Variants in ZFYVE28 observed in about 807,000 individuals in gnomAD.
ZFYVE28 encodes the protein zinc finger FYVE-type containing 28.
Under a neutral mutation model 82.1 loss-of-function variants are expected in ZFYVE28, and 40 were observed. The observed-to-expected ratio is 0.49, with a 90% confidence interval of 0.38 to 0.63. The LOEUF is 0.63. Ranked by LOEUF, ZFYVE28 falls within the 30% of genes least tolerant of loss-of-function variation. The probability of loss-of-function intolerance (pLI) is 0.00; values close to 1 mark genes in which losing one functional copy is unlikely to be tolerated. For missense variants in ZFYVE28, 1,321 were observed against 1,242.1 expected (o/e 1.06, Z -0.96); for synonymous variants, 612 against 546.1 (o/e 1.12, Z -1.68).
rs564638847 is a variant in ZFYVE28, at chr4:2,275,522, T to C, written c.2052-1306A>G. Among the ~76,000 whole-genome samples, 30 of 152,382 alleles carry C rather than the reference T, an allele frequency of 2.0e-4. No homozygotes were observed. In the Middle Eastern group the frequency reaches 0.014, roughly 69 times the overall value. ...TTTCTCTACCTAGAAATATTCGTGA[T>C]AATTTTTTTCAGTTGCCACTGGCAT... On this transcript the variant is annotated intron_variant, in intron 8 of 12. Transcript: ENST00000290974.
chr4:2,358,145 GC>G (rs1725610575), intron 1 of ZFYVE28, among the ~76,000 whole-genome samples: 1 of 152,142 alleles, frequency 6.6e-6, no homozygotes, highest in Admixed American at 6.5e-5. Context: ...AAGAACCACC[GC>G]CGTGTGTGTG....
At chr4:2,364,822 G>A (rs1184742497) in intron 1 of ZFYVE28, 13 of 985,484 alleles carry the variant, frequency 1.3e-5, no homozygotes, top group African/African-American at 3.5e-5. Flanking sequence ...GGCGGGGGCT[G>A]TGTTCCGCGA....
At chr4:2,370,574 C>G (rs904055010) in intron 1 of ZFYVE28, among the ~76,000 whole-genome samples, 1 of 152,328 alleles carries the variant, frequency 6.6e-6, no homozygotes, top group Admixed American at 6.5e-5. Context: ...AGAGGTAGCC[C>G]TGGACCCAAT....
chr4:2,392,302 C>T (rs1432600803), intron 1 of ZFYVE28, among the ~76,000 whole-genome samples: 3 of 152,188 alleles, frequency 2.0e-5, no homozygotes, highest in Non-Finnish European at 1.5e-5. Flanking sequence ...TCTCCTCTCC[C>T]GCAGACTCTG....
chr4:2,280,366 G>A (rs1711795293), intron 8 of ZFYVE28, among the ~76,000 whole-genome samples: 1 of 152,040 alleles, frequency 6.6e-6, no homozygotes, highest in Non-Finnish European at 1.5e-5. Flanking sequence ...AAATTAGCCA[G>A]GCATGATGGT....
At chr4:2,286,619 A>G (rs989911288) in intron 8 of ZFYVE28, 1 of 152,194 alleles carries the variant, frequency 6.6e-6, no homozygotes, top group Non-Finnish European at 1.5e-5. Context: ...TTGCTTATAC[A>G]CAGCCCAGCT....
At chr4:2,323,195 A>G (rs1719362640) in intron 6 of ZFYVE28, among the ~76,000 whole-genome samples, 1 of 152,114 alleles carries the variant, frequency 6.6e-6, no homozygotes, top group Non-Finnish European at 1.5e-5. Flanking sequence ...TGACTTCTCC[A>G]CGCTCTCCCC....
At chr4:2,274,997 C>G (rs1396074499) in intron 8 of ZFYVE28, among the ~76,000 whole-genome samples, 2 of 150,060 alleles carry the variant, frequency 1.3e-5, no homozygotes, top group Non-Finnish European at 2.9e-5. Flanking sequence ...ACAGCAGCCT[C>G]AAGAAACGAA....
chr4:2,327,306 AT>A (rs1720031777), intron 6 of ZFYVE28, among the ~76,000 whole-genome samples: 2 of 64,984 alleles, frequency 3.1e-5, no homozygotes, highest in African/African-American at 1.0e-4. Flanking sequence ...ATATATATAT[AT>A]ATCGAATAAA....
chr4:2,391,083 C>A (rs1729767615), intron 1 of ZFYVE28, among the ~76,000 whole-genome samples: 1 of 152,268 alleles, frequency 6.6e-6, no homozygotes, highest in African/African-American at 2.4e-5. Flanking sequence ...CGCAGCCTCC[C>A]CCAACCCCAA....
intron 7 of ZFYVE28, among the ~76,000 whole-genome samples, chr4:2,315,117 T>C (rs1258610132): frequency 1.3e-5 from 2 of 152,076 alleles, no homozygotes; most frequent in African/African-American, 2.4e-5. Flanking sequence ...AATTTTTTTT[T>C]CTGAAGAACT....
chr4:2,366,982 A>C (rs1726961363), intron 1 of ZFYVE28, among the ~76,000 whole-genome samples: 1 of 152,268 alleles, frequency 6.6e-6, no homozygotes, highest in Non-Finnish European at 1.5e-5. Flanking sequence ...TTTCAAAGGG[A>C]AAATGAATTT....
chr4:2,276,485 G>A (rs1369282872), intron 8 of ZFYVE28, among the ~76,000 whole-genome samples: 1 of 152,164 alleles, frequency 6.6e-6, no homozygotes, highest in Non-Finnish European at 1.5e-5. Context: ...TTACCCAAAG[G>A]AACTGAAATT....
At chr4:2,384,656 G>C (rs1321865184) in intron 1 of ZFYVE28, among the ~76,000 whole-genome samples, 1 of 152,142 alleles carries the variant, frequency 6.6e-6, no homozygotes, top group East Asian at 1.9e-4. Context: ...TAGGTGGGGA[G>C]GGAAACAGCC....
At chr4:2,289,300 A>T (rs1023861100) in intron 8 of ZFYVE28, among the ~76,000 whole-genome samples, 4 of 152,248 alleles carry the variant, frequency 2.6e-5, no homozygotes, top group African/African-American at 9.7e-5. Context: ...TTAAATTAAT[A>T]AAATAAAACA....
At chr4:2,403,498 G>A (rs778512700) in intron 1 of ZFYVE28, among the ~76,000 whole-genome samples, 1 of 152,204 alleles carries the variant, frequency 6.6e-6, no homozygotes, top group Non-Finnish European at 1.5e-5. Context: ...CTGTGGTTTC[G>A]AGGGGTTTGA....
intron 2 of ZFYVE28, among the ~76,000 whole-genome samples, chr4:2,346,905 T>C (rs1017156246): frequency 5.9e-5 from 9 of 151,618 alleles, no homozygotes; most frequent in African/African-American, 9.7e-5. Flanking sequence ...AGAAAACAAA[T>C]AGCAAAATGA....
chr4:2,369,179 G>A (rs1176172141), intron 1 of ZFYVE28, among the ~76,000 whole-genome samples: 1 of 152,210 alleles, frequency 6.6e-6, no homozygotes, highest in Non-Finnish European at 1.5e-5. Flanking sequence ...CTTCCTCCTG[G>A]TGACATCTGT....
intron 8 of ZFYVE28, among the ~76,000 whole-genome samples, chr4:2,297,207 C>G (rs1181939741): frequency 6.6e-6 from 1 of 152,278 alleles, no homozygotes; most frequent in East Asian, 1.9e-4. Flanking sequence ...CACCGGGAGC[C>G]AGGCTGGGGG....
Sources: allele counts gnomAD v4.1 joint callset (sites outside exome capture counted in the v4.1 genomes callset), GRCh38; gene constraint gnomAD v4.1.1; transcripts MANE v1.5; gene names NCBI Gene and HGNC (gene_info 2026-07-23, HGNC 2026-07-21).